Variants in NRXN1 observed in about 807,000 individuals in gnomAD.
The protein encoded by NRXN1 is neurexin 1.
Under a neutral mutation model 150.9 loss-of-function variants are expected in NRXN1, and 39 were observed. The observed-to-expected ratio is 0.26, with a 90% CI of 0.20 to 0.34. The LOEUF (loss-of-function observed/expected upper bound fraction) is 0.34. NRXN1 is among the 10% of genes least tolerant of loss of function. The pLI is 1.00. For missense variants in NRXN1, 1,815 were observed against 1,949.9 expected (o/e 0.93, Z 1.30); for synonymous variants, 924 against 757.0 (o/e 1.22, Z -3.62).
chr2:50,813,968 T>C (rs1668580912), intron 5 of NRXN1, among the ~76,000 whole-genome samples: 1 of 152,306 alleles, frequency 6.6e-6, no homozygotes, highest in African/African-American at 2.4e-5. Flanking sequence ...GAGGAGATCA[T>C]AGCCAAGTTT....
At chr2:50,401,236 T>C (rs1370717369) in intron 17 of NRXN1, among the ~76,000 whole-genome samples, 1 of 152,166 alleles carries the variant, frequency 6.6e-6, no homozygotes, top group Non-Finnish European at 1.5e-5. Flanking sequence ...AAAATGGAAA[T>C]ATTTTAAAAT....
intron 5 of NRXN1, among the ~76,000 whole-genome samples, chr2:50,704,361 G>C (rs547133196): frequency 6.6e-6 from 1 of 151,590 alleles, no homozygotes; most frequent in East Asian, 1.9e-4. Flanking sequence ...TAAATCAAAG[G>C]GAGTAGGAAG....
intron 18 of NRXN1, among the ~76,000 whole-genome samples, chr2:50,119,993 C>T (rs1703643174): frequency 6.6e-6 from 1 of 152,156 alleles, no homozygotes; most frequent in Non-Finnish European, 1.5e-5. Flanking sequence ...AGTTTTAACA[C>T]GTGTACCCAA....
At chr2:50,568,726 A>T (rs1670223315) in intron 8 of NRXN1, among the ~76,000 whole-genome samples, 1 of 152,164 alleles carries the variant, frequency 6.6e-6, no homozygotes, top group Admixed American at 6.6e-5. Context: ...TACAGAGAAC[A>T]GTTTGGAGTT....
intron 17 of NRXN1, among the ~76,000 whole-genome samples, chr2:50,243,465 G>T (rs945959504): frequency 6.6e-6 from 1 of 151,488 alleles, no homozygotes; most frequent in African/African-American, 2.4e-5. Flanking sequence ...ATACGTTGTT[G>T]ACTACTTATT....
In NRXN1 at chr2:50,465,734, G is replaced by C. The variant is rs796662659; in HGVS notation, c.3245-173C>G. 2.0e-5 allele frequency among the ~76,000 whole-genome samples: 3 copies of C among 151,906 alleles called. 1 individual carries two copies. Among genetic ancestry groups the C allele is most frequent in the African/African-American group, 7.2e-5 (3 of 41,476 alleles). ...GGAACTGAGAGGCTGTAATATGAAG[G>C]TTTTCTTAAGTTTCAAGTATAGGAT... On this transcript the variant is annotated intron_variant, in intron 16 of 22. Coordinates refer to ENST00000401669, the MANE Select transcript of NRXN1 (RefSeq NM_001330078.2).
At chr2:50,747,430 T>C (rs1404947472) in intron 5 of NRXN1, among the ~76,000 whole-genome samples, 2 of 152,118 alleles carry the variant, frequency 1.3e-5, no homozygotes, top group Non-Finnish European at 2.9e-5. Flanking sequence ...CTCTCCCCAT[T>C]TGCTTAATTT....
At chr2:50,585,894 G>A (rs188036318) in intron 8 of NRXN1, among the ~76,000 whole-genome samples, 100 of 152,228 alleles carry the variant, frequency 6.6e-4, no homozygotes, top group African/African-American at 2.0e-3. Flanking sequence ...TCCTAAGAGG[G>A]GTCACTGAGT....
chr2:50,407,685 C>G (rs1338332668), intron 17 of NRXN1, among the ~76,000 whole-genome samples: 3 of 151,928 alleles, frequency 2.0e-5, no homozygotes, highest in Non-Finnish European at 2.9e-5. Context: ...GCTAGCACAC[C>G]CAGCCCTCTC....
chr2:49,996,150 TTG>T (rs1249105927), intron 21 of NRXN1, among the ~76,000 whole-genome samples: 3 of 152,106 alleles, frequency 2.0e-5, no homozygotes, highest in Admixed American at 6.5e-5. Context: ...TTAAAATTAT[TTG>T]TGTGTGAGAG....
chr2:50,481,804 C>T (rs2090484022), intron 15 of NRXN1, among the ~76,000 whole-genome samples: 1 of 97,418 alleles, frequency 1.0e-5, no homozygotes, highest in Non-Finnish European at 1.7e-5. Context: ...CTCGCTCTGT[C>T]GCCCAGGCTG....
chr2:50,196,084 C>A (rs920343409), intron 18 of NRXN1, among the ~76,000 whole-genome samples: 2 of 151,988 alleles, frequency 1.3e-5, no homozygotes, highest in Non-Finnish European at 2.9e-5. Context: ...AGGTATTAGG[C>A]CCAACATGCA....
At position 50,091,520 on chromosome 2, in the gene NRXN1, G is replaced by C. The variant is rs201069864; in HGVS notation, c.3547-26C>G. The C allele has an allele frequency of 7.1e-5, 114 of 1,608,964 alleles. 1 individual carries two copies. In the Admixed American group the frequency reaches 9.8e-4, roughly 14 times the overall value. ...CTGTAAGAGAGGAGGGGAAAAAAGAGTTGAATTAAGTTGACTAGTCACCAT... is the reference window on the plus strand; with the variant it reads ...CTGTAAGAGAGGAGGGGAAAAAAGACTTGAATTAAGTTGACTAGTCACCAT... On this transcript the variant is annotated intron_variant, in intron 18 of 22. Transcript: ENST00000401669.
At chr2:50,614,415 G>T (rs1404110743) in intron 8 of NRXN1, among the ~76,000 whole-genome samples, 1 of 151,916 alleles carries the variant, frequency 6.6e-6, no homozygotes, top group East Asian at 1.9e-4. Context: ...TGCAAATTCT[G>T]CCATGAGATT....
chr2:49,929,906 T>C (rs1669826629), intron 22 of NRXN1, among the ~76,000 whole-genome samples: 1 of 152,066 alleles, frequency 6.6e-6, no homozygotes, highest in South Asian at 2.1e-4. Context: ...AATCACACAG[T>C]TAAAGTAACA....
chr2:50,094,989 T>C (rs1040195950), intron 18 of NRXN1, among the ~76,000 whole-genome samples: 1 of 152,164 alleles, frequency 6.6e-6, no homozygotes, highest in African/African-American at 2.4e-5. Context: ...ACAATAATAC[T>C]AGCCAAGTAA....
At chr2:50,448,511 A>G (rs897590319) in intron 17 of NRXN1, among the ~76,000 whole-genome samples, 4 of 152,222 alleles carry the variant, frequency 2.6e-5, no homozygotes, top group Non-Finnish European at 5.9e-5. Flanking sequence ...GGTGGTCACT[A>G]GGAAACGTGA....
intron 12 of NRXN1, among the ~76,000 whole-genome samples, chr2:50,507,247 C>G (rs977936954): frequency 1.3e-5 from 2 of 151,992 alleles, no homozygotes; most frequent in African/African-American, 2.4e-5. Context: ...GTCTAAAAAA[C>G]ACATCGAAAT....
chr2:50,890,947 C>G (rs929632679), intron 5 of NRXN1, among the ~76,000 whole-genome samples: 2 of 151,948 alleles, frequency 1.3e-5, no homozygotes, highest in Admixed American at 1.3e-4. Context: ...ATATTTAATG[C>G]CTTAACCAAA....
Sources: allele counts gnomAD v4.1 joint callset (sites outside exome capture counted in the v4.1 genomes callset), GRCh38; gene constraint gnomAD v4.1.1; transcripts MANE v1.5; gene names NCBI Gene and HGNC (gene_info 2026-07-23, HGNC 2026-07-21).